NBPF19: variants seen among roughly 807,000 people sequenced by gnomAD.
The protein encoded by NBPF19 is NBPF member 19, also known as NBPF family member NBPF19.
Under a neutral mutation model 45.9 loss-of-function variants are expected in NBPF19, and 30 were observed. That is an observed-to-expected ratio of 0.65 (90% CI 0.49 to 0.89). The LOEUF (loss-of-function observed/expected upper bound fraction) is 0.89, where lower values mean the gene tolerates loss of function less well. Ranked by LOEUF, NBPF19 falls within the 40% of genes least tolerant of loss-of-function variation. NBPF19 has a pLI of 0.00. For synonymous variants in NBPF19, 183 were observed against 181.2 expected (o/e 1.01, Z -0.08); for missense variants, 495 against 471.8 (o/e 1.05, Z -0.46).
At chr1:149,514,676 G>GTT (rs2086330719) in intron 43 of NBPF19, among the ~76,000 whole-genome samples, 15 of 95,152 alleles carry the variant, frequency 1.6e-4, no homozygotes, top group African/African-American at 5.6e-4. Context: ...CACTGAGCTC[G>GTT]TTCTCTCTCT....
In NBPF19 at chr1:149,484,652, TG is replaced by T. The variant is rs1292474510; in HGVS notation, c.825-1475del. 1.4e-5 allele frequency among the ~76,000 whole-genome samples: 2 copies of T among 143,712 alleles called. 1 individual carries two copies. Among genetic ancestry groups the T allele is most frequent in the Non-Finnish European group, 3.0e-5 (2 of 66,150 alleles). 94.3% of individuals were successfully genotyped at this position (143,712 alleles called of 152,430 possible). On this transcript the variant is annotated intron_variant, in intron 7 of 93. Coordinates refer to ENST00000651566, the MANE Select transcript of NBPF19 (RefSeq NM_001351365.2). The stretch of plus-strand genomic sequence containing the variant: ...TGCTAGTCTGATGGGTTTCCCTTTG[TG>T]GGTAATCCAACCTTTCTCTCTGGCT...
intron 9 of NBPF19, among the ~76,000 whole-genome samples, chr1:149,487,732 C>G (rs1209599040): frequency 1.7e-4 from 25 of 149,286 alleles, no homozygotes; most frequent in African/African-American, 5.7e-4. Context: ...TGTCCTTTGA[C>G]TCCCTCATCA....
Position 149,554,140 on chromosome 1 carries a change from T to G in NBPF19, c.11288+258T>G, listed in dbSNP as rs1211586723. Among the ~76,000 whole-genome samples the G allele has an allele frequency of 2.8e-5, 4 of 141,532 alleles. No individual in the cohort carries two copies. The Admixed American group carries it at 2.9e-4, about 10-fold the overall frequency. The allele number at this position is 141,532 out of a possible 152,430, so 92.9% of individuals were successfully genotyped here. ...CACTGCATCGAATTTTGAGCATATT[T>G]TATGGAAAACTATTGAGCTCACTCT... On this transcript the variant is annotated intron_variant, in intron 93 of 93. Transcript: ENST00000651566.
intron 14 of NBPF19, 116 bp downstream of exon 14, chr1:149,491,427 C>G: frequency 8.2e-6 from 1 of 121,644 alleles, no homozygotes. Context: ...CAGTGAGGAC[C>G]TATAGGCACA....
In NBPF19 at chr1:149,477,158, T is replaced by C. The variant is rs1295960053; in HGVS notation, c.176-787T>C. Among the ~76,000 whole-genome samples the C allele has an allele frequency of 1.2e-3, 173 of 149,606 alleles. 3 individuals carry two copies. The highest frequency in any genetic ancestry group is 4.1e-3 in the African/African-American group (166 of 40,746). On this transcript the variant is annotated intron_variant, in intron 2 of 93. Coordinates refer to ENST00000651566, the MANE Select transcript of NBPF19 (RefSeq NM_001351365.2). ...TGCTTGTCTTGTCTGTCCCTCAGTT[T>C]CCTCATCTGTTCAGAGGGTACTACA...
chr1:149,487,342 G>C lies in NBPF19; in HGVS notation c.999G>C (p.Trp333Cys), dbSNP rs1192040548. 3 of 1,563,110 alleles carry C rather than the reference G, an allele frequency of 1.9e-6. No homozygotes were observed. The highest frequency in any genetic ancestry group is 2.2e-5 in the East Asian group (1 of 44,718). ...TGAATTTATTTGCAGGACATCGCTG[G>C]GATCAAGTGAAAAAGGAGGACCAAG... ...CMAVDIGRHR[W>C]DQVKKEDQEA... Residue 333 changes from tryptophan (W) to cysteine (C), a missense_variant, in exon 9 of 94, where the codon TGG (tryptophan) becomes TGC (cysteine). By Grantham distance (215) the Trp-to-Cys change is radical. Transcript: ENST00000651566.
chr1:149,554,792 C>G lies in NBPF19; in HGVS notation c.*54C>G, dbSNP rs1389119570. 1.9e-5 allele frequency: 30 copies of G among 1,605,432 alleles called. 2 individuals carry two copies. Among genetic ancestry groups the G allele is most frequent in the Non-Finnish European group, 2.6e-5 (30 of 1,174,606 alleles). ...TTCCTGCAGGCAGGACCTATAGGCA[C>G]GTGAAGATTTGAATGAAACTACAGT... On this transcript the variant is annotated 3_prime_UTR_variant, in exon 94 of 94. Transcript: ENST00000651566.
At chr1:149,528,924 C>T (rs1431007169) in intron 61 of NBPF19, among the ~76,000 whole-genome samples, 1 of 128,670 alleles carries the variant, frequency 7.8e-6, no homozygotes, top group Non-Finnish European at 1.6e-5. Context: ...CTGGACAATT[C>T]ACTGAGCTCG....
At chr1:149,483,790 G>A (rs1213878968) in intron 7 of NBPF19, among the ~76,000 whole-genome samples, 2 of 62,196 alleles carry the variant, frequency 3.2e-5, no homozygotes, top group Non-Finnish European at 6.1e-5. Flanking sequence ...CACTTATGAA[G>A]CTTTGTTTGG....
intron 93 of NBPF19, 149 bp downstream of exon 93, chr1:149,554,031 G>A (rs1194455785): frequency 4.7e-5 from 15 of 318,568 alleles, no homozygotes; most frequent in Non-Finnish European, 7.8e-5. Context: ...TGCAGTAGAT[G>A]TTTAGGTTTC....
chr1:149,554,267 C>T (rs1445756150), intron 93 of NBPF19, among the ~76,000 whole-genome samples: 3 of 151,832 alleles, frequency 2.0e-5, no homozygotes, highest in Non-Finnish European at 4.4e-5. Flanking sequence ...AGGTCACTTT[C>T]TCTCTGTCTC....
At chr1:149,487,977 C>T in intron 9 of NBPF19, 36 bp from the exon 10 acceptor site, 1 of 693,824 alleles carries the variant, frequency 1.4e-6, no homozygotes, top group Admixed American at 2.1e-5. Context: ...TTCTGATTCC[C>T]CCTGGCTTAT....
At position 149,554,904 on chromosome 1, in the gene NBPF19, G is replaced by T; in HGVS notation, c.*166G>T. ...CCATGCCAGTGGCAACCTGTGCTCA[G>T]TCTGAAGACAATGGACCCACGTTAG... On this transcript the variant is annotated 3_prime_UTR_variant, in exon 94 of 94. Transcript: ENST00000651566. The T allele has an allele frequency of 3.8e-6, 5 of 1,317,272 alleles. No homozygotes were observed. Among genetic ancestry groups the T allele is most frequent in the Non-Finnish European group, 4.2e-6 (4 of 952,352 alleles). The allele number at this position is 1,317,272 out of a possible 1,614,324, so 81.6% of individuals were successfully genotyped here.
At position 149,554,714 on chromosome 1, in the gene NBPF19, G is replaced by C. The variant is rs1351133331; in HGVS notation, c.11508G>C (p.Gln3836His). The C allele has an allele frequency of 5.6e-6, 9 of 1,608,268 alleles. 1 individual carries two copies. Among genetic ancestry groups the C allele is most frequent in the Non-Finnish European group, 6.8e-6 (8 of 1,176,708 alleles). ...LTVTSLHLVF[Q>H]MLVIFPQ ...TGACAAGTCTCCATCTGGTGTTCCA[G>C]ATGTTAGTCATATTCCCACAATAGG... is the stretch of plus-strand genomic sequence containing the variant. Residue 3836 changes from glutamine to histidine, a missense_variant, in exon 94 of 94, where the codon CAG becomes CAC. Transcript: ENST00000651566.
At position 149,478,958 on chromosome 1, in the gene NBPF19, C is replaced by T; in HGVS notation, c.357C>T (p.Ala119=). Residue 119 remains alanine (A), a synonymous_variant, in exon 4 of 94, where the codon GCC becomes GCT. Coordinates refer to ENST00000651566, the MANE Select transcript of NBPF19 (RefSeq NM_001351365.2). ...AGAAGTTACGGGAAGGGAGAGATGC[C>T]TCCCGCTCATTGAATGAGCATCTCC... ...LREKLREGRD[A]SRSLNEHLQA... is the part of the protein sequence containing the mutation. The T allele has an allele frequency of 1.9e-6, 3 of 1,603,734 alleles. No homozygotes were observed. Among genetic ancestry groups the T allele is most frequent in the Admixed American group, 3.3e-5 (2 of 59,804 alleles).
At chr1:149,481,173 T>C in intron 6 of NBPF19, among the ~76,000 whole-genome samples, 1 of 119,950 alleles carries the variant, frequency 8.3e-6, no homozygotes, top group Admixed American at 8.7e-5. Flanking sequence ...TCAGTATCTC[T>C]TGTCATCTGT....
At chr1:149,554,377 T>A (rs1198380791) in intron 93 of NBPF19, 118 bp from the exon 94 acceptor site, 27 of 1,587,196 alleles carry the variant, frequency 1.7e-5, no homozygotes, top group Non-Finnish European at 7.7e-6. Context: ...TTTACCTCAT[T>A]AATGGATCTA....
Position 149,554,860 on chromosome 1 carries a change from C to T in NBPF19, c.*122C>T, listed in dbSNP as rs1374470418. ...ACATAGGATGGGTCAGTGGGCATGGCTCTTTTCCTATTCTCAAACCATGCC... is the reference window on the plus strand; with the variant it reads ...ACATAGGATGGGTCAGTGGGCATGGTTCTTTTCCTATTCTCAAACCATGCC... On this transcript the variant is annotated 3_prime_UTR_variant, in exon 94 of 94. Transcript: ENST00000651566. 2.0e-6 allele frequency: 3 copies of T among 1,526,552 alleles called. No homozygotes were observed. Among genetic ancestry groups the T allele is most frequent in the Non-Finnish European group, 2.7e-6 (3 of 1,123,630 alleles). The allele number at this position is 1,526,552 out of a possible 1,614,324, so 94.6% of individuals were successfully genotyped here.
At position 149,487,908 on chromosome 1, in the gene NBPF19, C is replaced by T. The variant is rs2085705859; in HGVS notation, c.1041-105C>T. On this transcript the variant is annotated intron_variant, in intron 9 of 93. Transcript: ENST00000651566. ...TTGTTACCTCACTAATGGATCTCTC[C>T]TTTTTCTTTTCAAACTCTTCCTTAT... 1.1e-5 allele frequency: 8 copies of T among 716,040 alleles called. No homozygotes were observed. The East Asian group carries it at 1.4e-4, about 12-fold the overall frequency. 44.4% of individuals were successfully genotyped at this position (716,040 alleles called of 1,614,324 possible). A position where few individuals can be genotyped will look rare whatever the true frequency, so the allele number is the denominator to read the frequency against.
Sources: allele counts gnomAD v4.1 joint callset (sites outside exome capture counted in the v4.1 genomes callset), GRCh38; gene constraint gnomAD v4.1.1; transcripts MANE v1.5; gene names NCBI Gene and HGNC (gene_info 2026-07-23, HGNC 2026-07-21).